The following SPATS2L variants were observed in gnomAD, a reference collection of about 807,000 sequenced individuals.
SPATS2L encodes spermatogenesis associated serine rich 2 like, also known as SPATS2-like protein.
In SPATS2L, 30 loss-of-function variants were observed where a neutral mutation model predicts 59.6. The ratio of observed to expected loss-of-function variants is 0.50; its 90% confidence interval spans 0.38 to 0.68. SPATS2L has a LOEUF of 0.68. SPATS2L is among the 30% of genes least tolerant of loss of function. The pLI, the probability that SPATS2L is intolerant of heterozygous loss-of-function variation, is 0.00. For synonymous variants in SPATS2L, 252 were observed against 263.5 expected (o/e 0.96, Z 0.42); for missense variants, 615 against 700.0 (o/e 0.88, Z 1.37).
chr2:200,355,531 G>A (rs777231893), intron 2 of SPATS2L, among the ~76,000 whole-genome samples: 3 of 152,168 alleles, frequency 2.0e-5, no homozygotes, highest in Admixed American at 6.5e-5. Context: ...AGTGATTTCT[G>A]TTTCACTCTT....
At chr2:200,396,552 A>C (rs2082360662) in intron 3 of SPATS2L, among the ~76,000 whole-genome samples, 1 of 152,186 alleles carries the variant, frequency 6.6e-6, no homozygotes, top group African/African-American at 2.4e-5. Context: ...CATTTTACAG[A>C]GTAGTGACAT....
At chr2:200,435,761 C>T (rs1025896193) in intron 6 of SPATS2L, among the ~76,000 whole-genome samples, 32 of 152,256 alleles carry the variant, frequency 2.1e-4, no homozygotes, top group African/African-American at 7.7e-4. Flanking sequence ...AAAACTCTCA[C>T]ACTCCTTGTG....
intron 5 of SPATS2L, among the ~76,000 whole-genome samples, chr2:200,418,632 T>C (rs1190684510): frequency 6.7e-6 from 1 of 149,598 alleles, no homozygotes; most frequent in Admixed American, 6.6e-5. Flanking sequence ...TGGGGATGAT[T>C]ATGGATCCTG....
intron 2 of SPATS2L, among the ~76,000 whole-genome samples, chr2:200,369,311 AC>A (rs1012440366): frequency 6.6e-6 from 1 of 152,112 alleles, no homozygotes; most frequent in African/African-American, 2.4e-5. Flanking sequence ...GGTTTGCACC[AC>A]CATGCCCGAC....
chr2:200,401,540 A>C (rs1453223620), intron 3 of SPATS2L, among the ~76,000 whole-genome samples: 2 of 152,172 alleles, frequency 1.3e-5, no homozygotes, highest in African/African-American at 4.8e-5. Context: ...TAGTGAGTAC[A>C]CTCAGGTAAA....
At chr2:200,336,909 A>G (rs1232123988) in intron 2 of SPATS2L, among the ~76,000 whole-genome samples, 2 of 151,920 alleles carry the variant, frequency 1.3e-5, no homozygotes, top group African/African-American at 2.4e-5. Context: ...ACCAAATTTC[A>G]TATTGTTCAT....
At chr2:200,332,860 C>T (rs958712456) in intron 2 of SPATS2L, among the ~76,000 whole-genome samples, 4 of 150,914 alleles carry the variant, frequency 2.7e-5, no homozygotes, top group Non-Finnish European at 4.4e-5. Flanking sequence ...GTAAAATATT[C>T]TCTATCAGTA....
At chr2:200,369,408 C>G (rs1200204733) in intron 2 of SPATS2L, among the ~76,000 whole-genome samples, 1 of 152,154 alleles carries the variant, frequency 6.6e-6, no homozygotes, top group Non-Finnish European at 1.5e-5. Context: ...ATCCGCCCAC[C>G]TTGGCCTCCC....
intron 1 of SPATS2L, among the ~76,000 whole-genome samples, chr2:200,313,454 T>C (rs1308178415): frequency 6.6e-6 from 1 of 152,224 alleles, no homozygotes; most frequent in Non-Finnish European, 1.5e-5. Flanking sequence ...GTGTCCCTTA[T>C]AAATGGCAGG....
intron 10 of SPATS2L, among the ~76,000 whole-genome samples, chr2:200,468,442 G>A (rs115988945): frequency 1.2e-3 from 175 of 149,506 alleles, no homozygotes; most frequent in African/African-American, 4.0e-3. Flanking sequence ...GCTGCTGCTA[G>A]CTTTGAAAGT....
Position 200,478,161 on chromosome 2 carries a change from A to C in SPATS2L, c.*130A>C. On this transcript the variant is annotated 3_prime_UTR_variant, in exon 13 of 13. Transcript: ENST00000409140. Reference sequence around the variant, plus strand: ...ATGGTTGTGTCATCCTCTCTTAATCATTTTTACTAATTCTAATAATCAGCT... The same window carrying C: ...ATGGTTGTGTCATCCTCTCTTAATCCTTTTTACTAATTCTAATAATCAGCT... 1 of 845,326 alleles carries C rather than the reference A, an allele frequency of 1.2e-6. No homozygotes were observed. Among genetic ancestry groups the C allele is most frequent in the South Asian group, 2.5e-5 (1 of 39,358 alleles). 52.4% of individuals were successfully genotyped at this position (845,326 alleles called of 1,614,324 possible). A position where few individuals can be genotyped will look rare whatever the true frequency, so the allele number is the denominator to read the frequency against.
chr2:200,459,888 T>C, intron 9 of SPATS2L, 61 bp downstream of exon 9: 10 of 1,253,238 alleles, frequency 8.0e-6, no homozygotes, highest in Non-Finnish European at 1.0e-5. Flanking sequence ...AATCCATAGG[T>C]CAGACTGACA....
At chr2:200,371,822 G>T (rs1317461535) in intron 2 of SPATS2L, among the ~76,000 whole-genome samples, 1 of 152,174 alleles carries the variant, frequency 6.6e-6, no homozygotes, top group Admixed American at 6.5e-5. Context: ...TGCTTCTCAT[G>T]AAGGTTGGGT....
chr2:200,352,452 A>G (rs2080774118), intron 2 of SPATS2L, among the ~76,000 whole-genome samples: 1 of 150,188 alleles, frequency 6.7e-6, no homozygotes, highest in Admixed American at 6.6e-5. Context: ...CCTCCACTGT[A>G]TTGATCATTT....
At chr2:200,432,414 T>G (rs560906698) in intron 6 of SPATS2L, among the ~76,000 whole-genome samples, 1 of 151,278 alleles carries the variant, frequency 6.6e-6, no homozygotes, top group East Asian at 2.0e-4. Context: ...TATCATCTCT[T>G]CCATCCCCCA....
At chr2:200,463,172 TAGAA>T (rs1198064147) in intron 9 of SPATS2L, 1 of 152,064 alleles carries the variant, frequency 6.6e-6, no homozygotes, top group Non-Finnish European at 1.5e-5. Context: ...TCTCCACAGA[TAGAA>T]AGAACCATGG....
chr2:200,324,674 T>G (rs2079676025), intron 1 of SPATS2L, among the ~76,000 whole-genome samples: 1 of 152,198 alleles, frequency 6.6e-6, no homozygotes, highest in African/African-American at 2.4e-5. Context: ...GAAGATGCAG[T>G]GAATTTTTTT....
chr2:200,429,226 T>G (rs1002556676), intron 6 of SPATS2L, among the ~76,000 whole-genome samples: 7 of 152,152 alleles, frequency 4.6e-5, no homozygotes, highest in African/African-American at 1.7e-4. Flanking sequence ...TACTGGTTAT[T>G]TGAATAGGAG....
chr2:200,404,223 G>A lies in SPATS2L; in HGVS notation c.40-8088G>A, dbSNP rs533302217. ...TGCAATGACTGTTTTAAGACAGATT[G>A]GAGAGAGGAGAAACCAAGCCAGAGA... On this transcript the variant is annotated intron_variant, in intron 3 of 12. Transcript: ENST00000409140. 2.0e-5 allele frequency among the ~76,000 whole-genome samples: 3 copies of A among 152,296 alleles called. No individual in the cohort carries two copies. In the South Asian group the frequency reaches 6.2e-4, roughly 32 times the overall value.
Sources: gnomAD v4.1 joint callset for allele counts (sites outside exome capture counted in the v4.1 genomes callset) on GRCh38, gnomAD v4.1.1 for gene constraint, MANE v1.5 for transcripts, NCBI Gene and HGNC (gene_info 2026-07-23, HGNC 2026-07-21) for gene names.